NKAIN2: variants seen among roughly 807,000 people sequenced by gnomAD.
NKAIN2 encodes the protein sodium/potassium-transporting ATPase subunit beta-1-interacting protein 2.
Under a neutral mutation model 32.6 loss-of-function variants are expected in NKAIN2, and 14 were observed. That is an observed-to-expected ratio of 0.43 (90% CI 0.28 to 0.67). The LOEUF (loss-of-function observed/expected upper bound fraction) is 0.67, where lower values mean the gene tolerates loss of function less well. Among genes scored for constraint, NKAIN2 ranks in the 30% least tolerant of loss-of-function variants. The pLI is 0.17. For missense variants in NKAIN2, 198 were observed against 258.3 expected (o/e 0.77, Z 1.60); for synonymous variants, 80 against 87.2 (o/e 0.92, Z 0.46).
intron 1 of NKAIN2, among the ~76,000 whole-genome samples, chr6:123,926,965 C>T (rs557705092): frequency 1.3e-5 from 2 of 152,280 alleles, no homozygotes; most frequent in African/African-American, 4.8e-5. Flanking sequence ...TTCCTAGGAA[C>T]AAGGCAAGGC....
intron 1 of NKAIN2, among the ~76,000 whole-genome samples, chr6:123,874,908 C>CAT (rs35545091): frequency 1.3e-4 from 18 of 134,764 alleles, no homozygotes; most frequent in Admixed American, 1.5e-4. Context: ...TACATACATA[C>CAT]ATATATATAT....
chr6:124,548,412 T>C (rs1348994867), intron 3 of NKAIN2, among the ~76,000 whole-genome samples: 1 of 152,188 alleles, frequency 6.6e-6, no homozygotes, highest in Non-Finnish European at 1.5e-5. Context: ...TGCAATGGCA[T>C]ATAAAATTCT....
intron 1 of NKAIN2, among the ~76,000 whole-genome samples, chr6:124,230,726 T>C (rs1792402822): frequency 6.6e-6 from 1 of 152,112 alleles, no homozygotes; most frequent in Admixed American, 6.5e-5. Flanking sequence ...TGCACCGAAG[T>C]TAAGAATTGG....
At chr6:124,180,215 A>C (rs1010481210) in intron 1 of NKAIN2, among the ~76,000 whole-genome samples, 6 of 152,194 alleles carry the variant, frequency 3.9e-5, no homozygotes, top group African/African-American at 1.4e-4. Flanking sequence ...ATAAAGACTT[A>C]CCTGAGACTG....
intron 1 of NKAIN2, among the ~76,000 whole-genome samples, chr6:123,832,821 G>C (rs1411541732): frequency 1.3e-5 from 2 of 152,030 alleles, no homozygotes; most frequent in Non-Finnish European, 2.9e-5. Flanking sequence ...AAATTATGTT[G>C]TTTGTTTTCA....
chr6:124,338,724 C>G (rs1044972950), intron 2 of NKAIN2, among the ~76,000 whole-genome samples: 4 of 152,126 alleles, frequency 2.6e-5, no homozygotes, highest in Admixed American at 6.5e-5. Context: ...AACAGTACCT[C>G]ATTTCCTGTC....
At chr6:124,652,167 G>A (rs1165919211) in intron 3 of NKAIN2, among the ~76,000 whole-genome samples, 1 of 152,132 alleles carries the variant, frequency 6.6e-6, no homozygotes, top group African/African-American at 2.4e-5. Flanking sequence ...AAGCCCTGGG[G>A]CATGGATACA....
intron 1 of NKAIN2, among the ~76,000 whole-genome samples, chr6:124,116,164 C>T (rs190915212): frequency 5.9e-5 from 9 of 152,126 alleles, no homozygotes; most frequent in African/African-American, 9.6e-5. Flanking sequence ...TTCACTGATG[C>T]CATGTCTTTT....
intron 1 of NKAIN2, among the ~76,000 whole-genome samples, chr6:123,966,016 T>G (rs1255355554): frequency 2.0e-5 from 3 of 152,314 alleles, no homozygotes; most frequent in Admixed American, 2.0e-4. Flanking sequence ...GGCTGGCTGC[T>G]AAGATCAACC....
intron 1 of NKAIN2, among the ~76,000 whole-genome samples, chr6:124,203,853 C>T (rs149382476): frequency 6.6e-6 from 1 of 151,778 alleles, no homozygotes; most frequent in East Asian, 1.9e-4. Context: ...ATGAAATATG[C>T]AAAAAGTAAT....
chr6:124,195,812 T>A (rs1329066086), intron 1 of NKAIN2, among the ~76,000 whole-genome samples: 1 of 152,074 alleles, frequency 6.6e-6, no homozygotes, highest in Non-Finnish European at 1.5e-5. Context: ...GTTGCGGTGT[T>A]TTTTAAATAT....
chr6:124,014,187 AAT>A (rs1232922595), intron 1 of NKAIN2, among the ~76,000 whole-genome samples: 1 of 152,204 alleles, frequency 6.6e-6, no homozygotes, highest in Non-Finnish European at 1.5e-5. Context: ...CTTTTCAATG[AAT>A]ATTTATTGTA....
intron 1 of NKAIN2, among the ~76,000 whole-genome samples, chr6:124,150,083 G>C (rs1194425216): frequency 6.6e-6 from 1 of 152,008 alleles, no homozygotes. Flanking sequence ...TCTGCCTCAG[G>C]GTTATAGAAT....
At chr6:123,943,770 G>C (rs891577395) in intron 1 of NKAIN2, among the ~76,000 whole-genome samples, 1 of 151,946 alleles carries the variant, frequency 6.6e-6, no homozygotes, top group Admixed American at 6.6e-5. Flanking sequence ...ATTGTTCTAG[G>C]TATTCAGCTG....
chr6:124,664,792 T>G (rs867944365), intron 4 of NKAIN2, among the ~76,000 whole-genome samples: 1 of 17,010 alleles, frequency 5.9e-5, no homozygotes, highest in African/African-American at 2.9e-4. Flanking sequence ...AGACTCCGTC[T>G]CAAAAAAAAA....
intron 1 of NKAIN2, among the ~76,000 whole-genome samples, chr6:124,114,198 G>A (rs867777754): frequency 6.6e-6 from 1 of 152,140 alleles, no homozygotes; most frequent in African/African-American, 2.4e-5. Context: ...TATGTGTGAA[G>A]TAAAATTTTA....
intron 4 of NKAIN2, among the ~76,000 whole-genome samples, chr6:124,681,121 A>G (rs1002638664): frequency 1.3e-5 from 2 of 151,968 alleles, no homozygotes; most frequent in African/African-American, 4.8e-5. Flanking sequence ...GAATCCTTCC[A>G]GGGTTAGGAC....
At chr6:123,974,693 A>T (rs1027733346) in intron 1 of NKAIN2, among the ~76,000 whole-genome samples, 1 of 152,194 alleles carries the variant, frequency 6.6e-6, no homozygotes, top group African/African-American at 2.4e-5. Context: ...AGGTCAGCTA[A>T]CACAGAGGGA....
At chr6:124,751,676 A>G (rs971305159) in intron 4 of NKAIN2, among the ~76,000 whole-genome samples, 1 of 152,056 alleles carries the variant, frequency 6.6e-6, no homozygotes, top group Non-Finnish European at 1.5e-5. Context: ...AAGGAAATTT[A>G]CATTAAAAGA....
Sources: gnomAD v4.1 joint callset for allele counts (sites outside exome capture counted in the v4.1 genomes callset) on GRCh38, gnomAD v4.1.1 for gene constraint, MANE v1.5 for transcripts, NCBI Gene and HGNC (gene_info 2026-07-23, HGNC 2026-07-21) for gene names.